GANC: variants seen among roughly 807,000 people sequenced by gnomAD.
GANC encodes glucosidase alpha, neutral C.
A neutral mutation model predicts 124.2 loss-of-function variants in GANC; 117 were observed. The ratio of observed to expected loss-of-function variants is 0.94; its 90% CI spans 0.81 to 1.10. GANC has a LOEUF of 1.10. GANC is among the 50% of genes least tolerant of loss of function. The pLI is 0.00. For synonymous variants in GANC, 377 were observed against 376.8 expected (o/e 1.00, Z -0.01); for missense variants, 1,140 against 1,095.0 (o/e 1.04, Z -0.58).
chr15:42,307,642 G>C (rs2052011128), intron 7 of GANC, among the ~76,000 whole-genome samples: 1 of 152,094 alleles, frequency 6.6e-6, no homozygotes, highest in South Asian at 2.1e-4. Context: ...TTTTCCCATA[G>C]CTCTAAAATA....
intron 12 of GANC, among the ~76,000 whole-genome samples, chr15:42,327,034 C>T (rs1659216): frequency 0.97 from 147,631 of 152,282 alleles, 71,683 homozygotes; most frequent in Non-Finnish European, 1. Flanking sequence ...AACACAATTC[C>T]CTGTTCTCTT....
At chr15:42,303,620 G>T (rs1322751114) in intron 6 of GANC, among the ~76,000 whole-genome samples, 1 of 143,256 alleles carries the variant, frequency 7.0e-6, no homozygotes, top group Non-Finnish European at 1.5e-5. Context: ...CATCTCACGT[G>T]CAGAGACACC....
chr15:42,316,025 A>G (rs1331139289), intron 10 of GANC, among the ~76,000 whole-genome samples: 1 of 152,048 alleles, frequency 6.6e-6, no homozygotes, highest in Non-Finnish European at 1.5e-5. Context: ...TATATTCAAT[A>G]TAAATCCTAT....
chr15:42,283,602 C>A (rs2051755282), intron 3 of GANC: 1 of 700,056 alleles, frequency 1.4e-6, no homozygotes, highest in African/African-American at 1.7e-5. Context: ...CGTTTATTTT[C>A]TTTTGCAGCC....
At chr15:42,342,213 G>A (rs1187305712) in intron 18 of GANC, among the ~76,000 whole-genome samples, 1 of 152,162 alleles carries the variant, frequency 6.6e-6, no homozygotes, top group African/African-American at 2.4e-5. Context: ...GAATAAAAGA[G>A]CAAAGTAGTA....
chr15:42,315,026 A>C (rs898504136), intron 10 of GANC, among the ~76,000 whole-genome samples: 2 of 152,206 alleles, frequency 1.3e-5, no homozygotes, highest in Non-Finnish European at 2.9e-5. Context: ...TAGGTAATCA[A>C]CTTGGATAAT....
At chr15:42,295,320 C>T (rs1048707903) in intron 5 of GANC, among the ~76,000 whole-genome samples, 3 of 151,898 alleles carry the variant, frequency 2.0e-5, no homozygotes, top group Non-Finnish European at 4.4e-5. Context: ...AGAGGTTGTA[C>T]TGGTAGCTAT....
At chr15:42,324,183 T>TCAACACC (rs2052182074) in intron 11 of GANC, among the ~76,000 whole-genome samples, 1 of 151,718 alleles carries the variant, frequency 6.6e-6, no homozygotes, top group Non-Finnish European at 1.5e-5. Context: ...GAAAAGATGC[T>TCAACACC]CAACACCACT....
Position 42,343,116 on chromosome 15 carries a change from G to C in GANC, c.2191G>C (p.Ala731Pro). Residue 731 changes from alanine to proline, a missense_variant, in exon 19 of 24, where the codon GCC becomes CCC. Transcript: ENST00000318010. ...LLVHPVTEPK[A>P]TTVDVFLPGS... is the part of the protein sequence containing the mutation. ...GGTTCATCCAGTCACAGAACCAAAAGCCACCACAGTTGATGTGTTTCTTCC... is the reference window on the plus strand; with the variant it reads ...GGTTCATCCAGTCACAGAACCAAAACCCACCACAGTTGATGTGTTTCTTCC... The C allele has an allele frequency of 6.2e-7, 1 of 1,614,096 alleles. No homozygotes were observed. The highest frequency in any genetic ancestry group is 8.5e-7 in the Non-Finnish European group (1 of 1,179,996).
chr15:42,312,485 G>A (rs1019554637), intron 10 of GANC, among the ~76,000 whole-genome samples: 1 of 152,114 alleles, frequency 6.6e-6, no homozygotes, highest in Admixed American at 6.6e-5. Context: ...CCTTGCCTTC[G>A]GCCACAATTG....
chr15:42,345,807 T>G lies in GANC; in HGVS notation c.2279T>G (p.Val760Gly). ...GCTCATTGGGAAGGAGGGTGTACTG[T>G]AAAGATCCCAGTAGCCTTGGACACT... ...TFAHWEGGCT[V>G]KIPVALDTIP... Residue 760 changes from valine to glycine, a missense_variant, in exon 20 of 24, where the codon GTA becomes GGA. Coordinates refer to ENST00000318010, the MANE Select transcript of GANC (RefSeq NM_198141.3). The G allele has an allele frequency of 6.2e-7, 1 of 1,611,754 alleles. No individual in the cohort carries two copies. Among genetic ancestry groups the G allele is most frequent in the Non-Finnish European group, 8.5e-7 (1 of 1,177,888 alleles).
At chr15:42,281,544 G>T (rs1221724333) in intron 3 of GANC, among the ~76,000 whole-genome samples, 2 of 151,988 alleles carry the variant, frequency 1.3e-5, no homozygotes, top group African/African-American at 4.8e-5. Flanking sequence ...AATTAGCCAG[G>T]CAGGGTGATG....
intron 19 of GANC, among the ~76,000 whole-genome samples, chr15:42,344,379 A>G (rs151028100): frequency 0.011 from 1,664 of 152,218 alleles, 25 homozygotes; most frequent in African/African-American, 0.037. Context: ...AGTCTCGCCT[A>G]TCTTCATGTT....
chr15:42,322,322 T>C (rs1036198348), intron 11 of GANC, among the ~76,000 whole-genome samples: 10 of 152,210 alleles, frequency 6.6e-5, no homozygotes, highest in Admixed American at 2.6e-4. Flanking sequence ...TTAGTTTCCA[T>C]GTCTCAATTG....
In GANC at chr15:42,321,853, C is replaced by G; in HGVS notation, c.1126C>G (p.Gln376Glu). The G allele has an allele frequency of 1.2e-6, 2 of 1,614,160 alleles. No individual in the cohort carries two copies. Among genetic ancestry groups the G allele is most frequent in the South Asian group, 2.2e-5 (2 of 91,080 alleles). The change falls in exon 11 of 24, where the codon CAG becomes GAG. Residue 376 changes from glutamine to glutamate, a missense_variant. By Grantham distance (29) the Gln-to-Glu change is conservative (BLOSUM62 2). Transcript: ENST00000318010. Reference sequence around the variant, plus strand: ...GTGCCGCTGGAACTATGAAGATGAGCAGGATGTAAAAGCAGTGGATGCAGG... The same window carrying G: ...GTGCCGCTGGAACTATGAAGATGAGGAGGATGTAAAAGCAGTGGATGCAGG... ...HQCRWNYEDE[Q>E]DVKAVDAGFD...
rs781201306 is a variant in GANC, at chr15:42,326,288, G to C, written c.1294-10G>C. Reference sequence around the variant, plus strand: ...ACTGATGAGACCTCCAAACCTTCATGTCCTGACAGCTTGTGGTCATCAGTG... The same window carrying C: ...ACTGATGAGACCTCCAAACCTTCATCTCCTGACAGCTTGTGGTCATCAGTG... On this transcript the variant is annotated splice_polypyrimidine_tract_variant and intron_variant, in intron 11 of 23. Transcript: ENST00000318010. The C allele has an allele frequency of 9.4e-6, 15 of 1,590,160 alleles. No individual in the cohort carries two copies. In the Admixed American group the frequency reaches 2.5e-4, roughly 27 times the overall value.
chr15:42,287,781 G>C lies in GANC; in HGVS notation c.292G>C (p.Val98Leu), dbSNP rs1157520360. The C allele has an allele frequency of 6.2e-7, 1 of 1,613,194 alleles. No individual in the cohort carries two copies. Among genetic ancestry groups the C allele is most frequent in the African/African-American group, 1.3e-5 (1 of 74,842 alleles). Residue 98 changes from valine (V) to leucine (L), a missense_variant, in exon 4 of 24, where the codon GTT becomes CTT. Transcript: ENST00000318010. Reference protein sequence around the residue: ...EETPLKPRFEVPDVLTSKPST... With the variant: ...EETPLKPRFELPDVLTSKPST... ...GACTCCTCTAAAACCCAGATTTGAA[G>C]TTCCGGATGTCCTCACAAGCAAGCC... is the stretch of plus-strand genomic sequence containing the variant.
chr15:42,291,040 C>G (rs2141025624), intron 4 of GANC, among the ~76,000 whole-genome samples: 1 of 152,134 alleles, frequency 6.6e-6, no homozygotes, highest in African/African-American at 2.4e-5. Flanking sequence ...CCCTACCACC[C>G]TTCACTGCCT....
intron 11 of GANC, among the ~76,000 whole-genome samples, chr15:42,325,022 G>T (rs541765012): frequency 6.6e-6 from 1 of 152,174 alleles, no homozygotes; most frequent in East Asian, 1.9e-4. Flanking sequence ...CCAGCACTTT[G>T]GGAGGCCGAG....
Sources: allele counts gnomAD v4.1 joint callset (sites outside exome capture counted in the v4.1 genomes callset), GRCh38; gene constraint gnomAD v4.1.1; transcripts MANE v1.5; gene names NCBI Gene and HGNC (gene_info 2026-07-23, HGNC 2026-07-21).